The following FCHSD2 variants were observed in gnomAD, a reference collection of about 807,000 sequenced individuals.
The protein encoded by FCHSD2 is FCH and double SH3 domains 2.
FCHSD2 carries 38 observed loss-of-function variants against 108.1 expected under a neutral mutation model. The ratio of observed to expected loss-of-function variants is 0.35; its 90% CI spans 0.27 to 0.46. The LOEUF (loss-of-function observed/expected upper bound fraction) is 0.46, where lower values mean the gene tolerates loss of function less well. FCHSD2 is among the 20% of genes least tolerant of loss of function. The pLI, the probability that FCHSD2 is intolerant of heterozygous loss-of-function variation, is 1.00. For synonymous variants in FCHSD2, 279 were observed against 314.7 expected (o/e 0.89, Z 1.20); for missense variants, 751 against 897.8 (o/e 0.84, Z 2.09).
At chr11:72,972,288 G>C (rs906433065) in intron 8 of FCHSD2, among the ~76,000 whole-genome samples, 2 of 152,126 alleles carry the variant, frequency 1.3e-5, no homozygotes, top group Non-Finnish European at 2.9e-5. Flanking sequence ...ATATTTTTAT[G>C]AGTTTACCTC....
intron 3 of FCHSD2, among the ~76,000 whole-genome samples, chr11:73,039,299 C>T (rs375294254): frequency 1.8e-4 from 28 of 151,962 alleles, no homozygotes; most frequent in African/African-American, 5.3e-4. Flanking sequence ...GGGCGGATCA[C>T]TTGAGGTCAG....
intron 3 of FCHSD2, among the ~76,000 whole-genome samples, chr11:73,028,083 C>A (rs751470355): frequency 2.6e-5 from 4 of 152,206 alleles, no homozygotes; most frequent in Admixed American, 6.5e-5. Context: ...GGGGTTGGAG[C>A]CCCCACACAG....
chr11:72,975,957 A>G (rs1565349981), intron 8 of FCHSD2, among the ~76,000 whole-genome samples: 1 of 152,194 alleles, frequency 6.6e-6, no homozygotes. Flanking sequence ...CACAAAGAAA[A>G]TATTTCACAA....
intron 10 of FCHSD2, among the ~76,000 whole-genome samples, chr11:72,892,615 T>C (rs1027170004): frequency 1.1e-4 from 17 of 152,322 alleles, no homozygotes; most frequent in Admixed American, 9.1e-4. Flanking sequence ...TTTTGTTTTT[T>C]GTTTTTTGAG....
intron 8 of FCHSD2, among the ~76,000 whole-genome samples, chr11:72,966,007 G>A (rs1408776592): frequency 6.6e-6 from 1 of 152,120 alleles, no homozygotes; most frequent in Non-Finnish European, 1.5e-5. Context: ...TAACAATGAG[G>A]CAAGAGAAGA....
At chr11:72,967,174 T>TGG (rs1365503956) in intron 8 of FCHSD2, among the ~76,000 whole-genome samples, 6 of 145,254 alleles carry the variant, frequency 4.1e-5, no homozygotes, top group African/African-American at 1.6e-4. Flanking sequence ...CACTCCAGCC[T>TGG]GGGCGACAGA....
chr11:72,963,333 T>TA (rs1184452659), intron 8 of FCHSD2, among the ~76,000 whole-genome samples: 1 of 152,224 alleles, frequency 6.6e-6, no homozygotes, highest in Non-Finnish European at 1.5e-5. Context: ...TACTACGCAC[T>TA]ATCTCATTTA....
intron 3 of FCHSD2, among the ~76,000 whole-genome samples, chr11:73,082,358 A>G (rs1345621469): frequency 1.2e-4 from 18 of 149,492 alleles, no homozygotes; most frequent in African/African-American, 3.9e-4. Flanking sequence ...AAAAAAAAAA[A>G]AAAAGAAAAG....
At chr11:73,051,353 T>C (rs926809908) in intron 3 of FCHSD2, among the ~76,000 whole-genome samples, 1 of 152,044 alleles carries the variant, frequency 6.6e-6, no homozygotes, top group African/African-American at 2.4e-5. Context: ...TCTGAGAAAA[T>C]GTAAGCATAT....
intron 3 of FCHSD2, among the ~76,000 whole-genome samples, chr11:73,022,110 A>T (rs940197995): frequency 6.6e-6 from 1 of 152,130 alleles, no homozygotes; most frequent in Non-Finnish European, 1.5e-5. Context: ...GAAAAAAAGC[A>T]AAAAATAAAA....
At chr11:72,979,636 T>C (rs906253706) in intron 8 of FCHSD2, among the ~76,000 whole-genome samples, 1 of 152,128 alleles carries the variant, frequency 6.6e-6, no homozygotes, top group African/African-American at 2.4e-5. Context: ...TAATTCTATA[T>C]CCAAGTACAA....
chr11:73,045,943 A>G (rs1430212543), intron 3 of FCHSD2, among the ~76,000 whole-genome samples: 1 of 152,040 alleles, frequency 6.6e-6, no homozygotes, highest in Non-Finnish European at 1.5e-5. Flanking sequence ...AATGGAAGGA[A>G]AGCAAAAAAC....
intron 3 of FCHSD2, among the ~76,000 whole-genome samples, chr11:73,060,772 TACACAA>T: frequency 6.6e-6 from 1 of 152,056 alleles, no homozygotes; most frequent in Non-Finnish European, 1.5e-5. Flanking sequence ...AAGTTAGAAA[TACACAA>T]AACTCTAGGT....
At chr11:72,905,643 G>A (rs1270403961) in intron 9 of FCHSD2, among the ~76,000 whole-genome samples, 1 of 151,320 alleles carries the variant, frequency 6.6e-6, no homozygotes, top group South Asian at 2.1e-4. Flanking sequence ...CTGTGTCCAT[G>A]TGTTCTCATT....
chr11:72,874,901 C>T lies in FCHSD2; in HGVS notation c.1147-6875G>A, dbSNP rs559562008. Among the ~76,000 whole-genome samples the T allele has an allele frequency of 2.6e-5, 4 of 152,222 alleles. No individual in the cohort carries two copies. The South Asian group carries it at 8.3e-4, about 32-fold the overall frequency. ...GCTCTCTGTAAACTTGATGGCATTC[C>T]AGATACTACTTGACCAAATCATTTT... is the stretch of plus-strand genomic sequence containing the variant. On this transcript the variant is annotated intron_variant, in intron 12 of 19. Coordinates refer to ENST00000409418, the MANE Select transcript of FCHSD2 (RefSeq NM_014824.3).
At chr11:73,057,803 A>T (rs79208044) in intron 3 of FCHSD2, among the ~76,000 whole-genome samples, 2,041 of 152,246 alleles carry the variant, frequency 0.013, 48 homozygotes, top group African/African-American at 0.045. Flanking sequence ...TATACAGGGA[A>T]TGAGTTCCCC....
chr11:72,844,141 A>T (rs117631429), intron 14 of FCHSD2, among the ~76,000 whole-genome samples: 5,517 of 152,238 alleles, frequency 0.036, 121 homozygotes, highest in Non-Finnish European at 0.056. Context: ...TTTCTGGAGG[A>T]TGTGAGTCAA....
intron 3 of FCHSD2, among the ~76,000 whole-genome samples, chr11:73,020,254 T>C (rs537500297): frequency 1.2e-4 from 18 of 152,318 alleles, no homozygotes; most frequent in Admixed American, 9.8e-4. Flanking sequence ...CACTAGGAAA[T>C]GGACTGATGG....
chr11:73,141,959 G>A lies in FCHSD2; in HGVS notation c.-82C>T. 2.2e-6 allele frequency: 3 copies of A among 1,387,948 alleles called. No individual in the cohort carries two copies. The highest frequency in any genetic ancestry group is 2.9e-6 in the Non-Finnish European group (3 of 1,021,916). The allele number at this position is 1,387,948 out of a possible 1,614,324, so 86.0% of individuals were successfully genotyped here. A position where few individuals can be genotyped will look rare whatever the true frequency, so the allele number is the denominator to read the frequency against. ...GGAGGAGGGCCGGAGAGGAGGGGAC[G>A]GCCCAGCGAGCGCGCGCGTGTGTGA... On this transcript the variant is annotated 5_prime_UTR_variant, in exon 1 of 20. Transcript: ENST00000409418.
Sources: gnomAD v4.1 joint callset for allele counts (sites outside exome capture counted in the v4.1 genomes callset) on GRCh38, gnomAD v4.1.1 for gene constraint, MANE v1.5 for transcripts, NCBI Gene and HGNC (gene_info 2026-07-23, HGNC 2026-07-21) for gene names.